SH3BP1: variants seen among roughly 807,000 people sequenced by gnomAD.
SH3BP1 encodes SH3 domain-binding protein 1.
SH3BP1 carries 46 observed loss-of-function variants against 69.8 expected under a neutral mutation model. That is an observed-to-expected ratio of 0.66 (90% CI 0.52 to 0.84). The LOEUF (loss-of-function observed/expected upper bound fraction) is 0.84, where lower values mean the gene tolerates loss of function less well. Ranked by LOEUF, SH3BP1 falls within the 40% of genes least tolerant of loss-of-function variation. The pLI is 0.00. For missense variants in SH3BP1, 868 were observed against 930.9 expected, an observed-to-expected ratio of 0.93 and a Z score of 0.88; for synonymous variants, 403 against 378.0, an observed-to-expected ratio of 1.07 and a Z score of -0.77.
intron 2 of SH3BP1, 34 bp from the exon 3 acceptor site, chr22:37,641,340 C>T (rs1222457723): frequency 2.6e-5 from 41 of 1,547,926 alleles, no homozygotes; most frequent in Non-Finnish European, 4.4e-6. Context: ...GAGACAGCCT[C>T]TCTTGATCCT....
intron 16 of SH3BP1, among the ~76,000 whole-genome samples, chr22:37,651,928 A>G (rs1932887642): frequency 6.6e-6 from 1 of 151,972 alleles, no homozygotes; most frequent in Admixed American, 6.6e-5. Flanking sequence ...AGACCTCGCT[A>G]AGGAAGAAAC....
chr22:37,649,390 A>G (rs2413476), intron 14 of SH3BP1, among the ~76,000 whole-genome samples: 34,309 of 151,928 alleles, frequency 0.23, 6,723 homozygotes, highest in African/African-American at 0.53. Context: ...GAAGGCTGAG[A>G]TGGGAGGACT....
At chr22:37,643,063 C>T (rs990753126) in intron 5 of SH3BP1, 35 bp from the exon 6 acceptor site, 1 of 1,608,048 alleles carries the variant, frequency 6.2e-7, no homozygotes. Flanking sequence ...CTCCCTCCTC[C>T]CCCAGCACAC....
At position 37,642,547 on chromosome 22, in the gene SH3BP1, TC is replaced by T; in HGVS notation, c.220del (p.Leu74SerfsTer27). The T allele has an allele frequency of 6.2e-7, 1 of 1,613,066 alleles. No homozygotes were observed. The highest frequency in any genetic ancestry group is 8.5e-7 in the Non-Finnish European group (1 of 1,179,912). ...ADMDKRVKKL[P>X]LMALSTTMAE... ...CCCCACCCTCCCTGCAGAAGAAGCT[TC>T]CCCTCATGGCTCTGTCCACCACGAT... On this transcript the variant is annotated frameshift_variant, in exon 4 of 18. Transcript: ENST00000649765. LOFTEE classifies it high-confidence loss of function.
At position 37,643,142 on chromosome 22, in the gene SH3BP1, G is replaced by C. The variant is rs1932669214; in HGVS notation, c.441G>C (p.Lys147Asn). 6.2e-7 allele frequency: 1 copy of C among 1,609,474 alleles called. No homozygotes were observed. Among genetic ancestry groups the C allele is most frequent in the Admixed American group, 1.7e-5 (1 of 59,500 alleles). Reference sequence around the variant, plus strand: ...TCAAACACAAGAAAAGCCTCCAGAAGCTCGTGTCCGACTGGAACACACTCA... The same window carrying C: ...TCAAACACAAGAAAAGCCTCCAGAACCTCGTGTCCGACTGGAACACACTCA... ...AILKHKKSLQ[K>N]LVSDWNTLKS... Residue 147 changes from lysine to asparagine, a missense_variant, in exon 6 of 18, where the codon AAG becomes AAC. Lys to Asn is a moderately conservative substitution (Grantham distance 94). Transcript: ENST00000649765.
intron 13 of SH3BP1, 101 bp from the exon 14 acceptor site, chr22:37,648,218 A>G (rs373153695): frequency 1.3e-6 from 1 of 794,622 alleles, no homozygotes; most frequent in South Asian, 1.6e-5. Context: ...TGTTAAGACC[A>G]TTCTGGGCGG....
rs1894528 is a variant in SH3BP1, at chr22:37,643,627, C to G, written c.474-17C>G. The G allele has an allele frequency of 0.075, 120,954 of 1,613,890 alleles. 5,018 individuals carry two copies. The highest frequency in any genetic ancestry group is 0.12 in the South Asian group (11,013 of 91,060). ...GCAACAGGGCAGGTGACCAGCTCACCTTGGGATCATCTCCAGGCTCAGTCA... is the reference window on the plus strand; with the variant it reads ...GCAACAGGGCAGGTGACCAGCTCACGTTGGGATCATCTCCAGGCTCAGTCA... On this transcript the variant is annotated splice_polypyrimidine_tract_variant and intron_variant, in intron 6 of 17. Transcript: ENST00000649765.
At chr22:37,643,846 A>C in intron 7 of SH3BP1, 58 bp downstream of exon 7, 1 of 1,592,112 alleles carries the variant, frequency 6.3e-7, no homozygotes, top group Admixed American at 1.7e-5. Context: ...GTCCTGGCCC[A>C]TCTCACAGGC....
In SH3BP1 at chr22:37,650,185, T is replaced by C; in HGVS notation, c.1350T>C (p.Ser450=). The change falls in exon 15 of 18, where the codon TCT becomes TCC. Residue 450 remains serine, a synonymous_variant. Transcript: ENST00000649765. ...DQAQLDAASV[S]SIQVVGVVEA... ...CCCAGCTGGATGCAGCCTCCGTGTC[T>C]TCCATCCAGGTGGTGGGCGTCGTCG... 6.2e-7 allele frequency: 1 copy of C among 1,614,116 alleles called. No individual in the cohort carries two copies.
chr22:37,650,612 C>A lies in SH3BP1; in HGVS notation c.1485C>A (p.Ala495=). ...TLQDTVSDRL[A]SEELPSTAVP... is the part of the protein sequence containing the mutation. ...AGGACACAGTCAGTGACAGGCTGGCCTCTGAGGAACTTCCGTCCACTGCCG... is the reference window on the plus strand; with the variant it reads ...AGGACACAGTCAGTGACAGGCTGGCATCTGAGGAACTTCCGTCCACTGCCG... The change falls in exon 16 of 18, where the codon GCC becomes GCA. Residue 495 remains alanine (A), a synonymous_variant. Transcript: ENST00000649765. 6.2e-7 allele frequency: 1 copy of A among 1,614,034 alleles called. No individual in the cohort carries two copies.
At position 37,655,911 on chromosome 22, in the gene SH3BP1, T is replaced by C. The variant is rs748942229; in HGVS notation, c.*227T>C. 6.4e-7 allele frequency: 1 copy of C among 1,563,224 alleles called. No individual in the cohort carries two copies. Among genetic ancestry groups the C allele is most frequent in the Admixed American group, 1.8e-5 (1 of 56,872 alleles). The stretch of plus-strand genomic sequence containing the variant: ...GCTTGGGGACCCCCCCACCGGACTC[T>C]CCACTCTCCGGCAGGTCCTAGGGGA... On this transcript the variant is annotated 3_prime_UTR_variant, in exon 18 of 18. Transcript: ENST00000649765.
At position 37,652,000 on chromosome 22, in the gene SH3BP1, ACTCTC is replaced by A. The variant is rs1569011214; in HGVS notation, c.1598+1276_1598+1280del. On this transcript the variant is annotated intron_variant, in intron 16 of 17. Coordinates refer to ENST00000649765, the MANE Select transcript of SH3BP1 (RefSeq NM_018957.6). Reference sequence around the variant, plus strand: ...CTAGGACCCCCTCTGCTTCTCACCCACTCTCTGGCTTCCAGTGGCCAAAGCATCTC... The same window carrying A: ...CTAGGACCCCCTCTGCTTCTCACCCATGGCTTCCAGTGGCCAAAGCATCTC... Among the ~76,000 whole-genome samples the A allele has an allele frequency of 4.5e-3, 686 of 151,778 alleles. 7 individuals are homozygous for A. Among genetic ancestry groups the A allele is most frequent in the African/African-American group, 0.016 (662 of 41,348 alleles).
At chr22:37,644,778 C>T (rs1240563511) in intron 8 of SH3BP1, 73 bp downstream of exon 8, 3 of 1,605,830 alleles carry the variant, frequency 1.9e-6, no homozygotes, top group Non-Finnish European at 2.6e-6. Flanking sequence ...CACTGGGGCT[C>T]TAAGATGGTG....
intron 3 of SH3BP1, chr22:37,642,158 C>T (rs760718980): frequency 2.9e-5 from 7 of 242,446 alleles, no homozygotes; most frequent in South Asian, 6.1e-5. Flanking sequence ...TTGAACTCAG[C>T]GGTGGCTAGG....
intron 11 of SH3BP1, 63 bp downstream of exon 11, chr22:37,646,992 G>C (rs944221335): frequency 9.2e-7 from 1 of 1,084,888 alleles, no homozygotes; most frequent in Non-Finnish European, 1.3e-6. Flanking sequence ...GGCTTGAAAC[G>C]ATCCCAAGAT....
In SH3BP1 at chr22:37,650,519, G is replaced by A. The variant is rs759990100; in HGVS notation, c.1415-23G>A. The A allele has an allele frequency of 1.5e-5, 24 of 1,594,780 alleles. No individual in the cohort carries two copies. In the East Asian group the frequency reaches 1.6e-4, roughly 10 times the overall value. ...GAGCCTGGCGCGGTCTCTGAGAGCCGTCTCCGCTCCTTCTGTCTCCAGACA... is the reference window on the plus strand; with the variant it reads ...GAGCCTGGCGCGGTCTCTGAGAGCCATCTCCGCTCCTTCTGTCTCCAGACA... On this transcript the variant is annotated intron_variant, in intron 15 of 17. Coordinates refer to ENST00000649765, the MANE Select transcript of SH3BP1 (RefSeq NM_018957.6).
chr22:37,642,733 C>A lies in SH3BP1; in HGVS notation c.284+118C>A, dbSNP rs779692863. 7 of 1,603,964 alleles carry A rather than the reference C, an allele frequency of 4.4e-6. No homozygotes were observed. The African/African-American group carries it at 9.4e-5, about 21-fold the overall frequency. On this transcript the variant is annotated intron_variant, in intron 4 of 17. Coordinates refer to ENST00000649765, the MANE Select transcript of SH3BP1 (RefSeq NM_018957.6). ...AAGAATGACCAGGCTGGGGACAGTT[C>A]CCAGGTCAGTGAGGGTGGCCAGGCC...
At chr22:37,652,086 G>A (rs1001573017) in intron 16 of SH3BP1, among the ~76,000 whole-genome samples, 5 of 152,182 alleles carry the variant, frequency 3.3e-5, no homozygotes, top group African/African-American at 1.2e-4. Flanking sequence ...AGCACTTTGG[G>A]AGGCCGAGGC....
chr22:37,649,324 C>G (rs984569071), intron 14 of SH3BP1, among the ~76,000 whole-genome samples: 1 of 151,770 alleles, frequency 6.6e-6, no homozygotes, highest in African/African-American at 2.4e-5. Context: ...CCTGTCTCTA[C>G]AAAAAATTAA....
Sources: gnomAD v4.1 joint callset for allele counts (sites outside exome capture counted in the v4.1 genomes callset) on GRCh38, gnomAD v4.1.1 for gene constraint, MANE v1.5 for transcripts, NCBI Gene and HGNC (gene_info 2026-07-23, HGNC 2026-07-21) for gene names.